BRD4: variants seen among roughly 807,000 people sequenced by gnomAD.
The protein encoded by BRD4 is bromodomain containing 4.
A neutral mutation model predicts 142.1 loss-of-function variants in BRD4; 16 were observed. The ratio of observed to expected loss-of-function variants is 0.11; its 90% CI spans 0.08 to 0.17. The LOEUF is 0.17. Ranked by LOEUF, BRD4 falls within the 10% of genes least tolerant of loss-of-function variation. BRD4 has a pLI of 1.00. For synonymous variants in BRD4, 833 were observed against 707.5 expected, an observed-to-expected ratio of 1.18 and a Z score of -2.82; for missense variants, 1,424 against 1,810.9, an observed-to-expected ratio of 0.79 and a Z score of 3.88.
At chr19:15,289,213 C>G (rs1378455556) in intron 1 of BRD4, among the ~76,000 whole-genome samples, 3 of 152,206 alleles carry the variant, frequency 2.0e-5, no homozygotes, top group African/African-American at 7.2e-5. Flanking sequence ...CTCCCACGAC[C>G]TTTCCAAATG....
chr19:15,320,963 G>C lies in BRD4; in HGVS notation c.-35+11327C>G, dbSNP rs374379227. Among the ~76,000 whole-genome samples the C allele has an allele frequency of 9.8e-5, 15 of 152,358 alleles. No homozygotes were observed. In the East Asian group the frequency reaches 2.3e-3, roughly 23 times the overall value. Reference sequence around the variant, plus strand: ...AGTATAGGACTCTGGGCCAGGCATAGTGGCTCACGCCTGTAATCCCAACAC... The same window carrying C: ...AGTATAGGACTCTGGGCCAGGCATACTGGCTCACGCCTGTAATCCCAACAC... On this transcript the variant is annotated intron_variant, in intron 1 of 19. Transcript: ENST00000679869.
At chr19:15,241,836 A>T in intron 14 of BRD4, among the ~76,000 whole-genome samples, 2 of 131,326 alleles carry the variant, frequency 1.5e-5, no homozygotes, top group Admixed American at 8.2e-5. Flanking sequence ...TTTTTGAGAT[A>T]GAGTCTCCAT....
intron 14 of BRD4, 108 bp from the exon 15 acceptor site, chr19:15,240,130 G>C: frequency 6.9e-7 from 1 of 1,439,070 alleles, no homozygotes; most frequent in Non-Finnish European, 9.2e-7. Context: ...TGCATGTGCC[G>C]CCCAGGCCCT....
chr19:15,317,259 C>T (rs1038277001), intron 1 of BRD4, among the ~76,000 whole-genome samples: 1 of 152,132 alleles, frequency 6.6e-6, no homozygotes, highest in African/African-American at 2.4e-5. Context: ...TTAAGGAATG[C>T]GTAGAGGCTT....
rs199833114 is a variant in BRD4 at position 15,238,967 on chromosome 19, C to T, written c.3796G>A (p.Glu1266Lys). The change falls in exon 19 of 20, where the codon GAG becomes AAG. Residue 1266 changes from glutamate (E) to lysine (K), a missense_variant. Around this residue, in one of 16 missense-constraint regions of BRD4, gnomAD observed 109 missense variants for 117.9 expected, o/e 0.92. Transcript: ENST00000679869. This position sits in a 1 kb window ranked among gnomAD's most constrained non-coding sequence, Gnocchi z 7.2. ...CGCCGGGCCTGCTCCAGCGCATCCT[C>T]GTCCTCTCGGCTCCTGGGCAGAGGG... ...RQERMRSRED[E>K]DALEQARRAH... 1.2e-5 allele frequency: 19 copies of T among 1,589,264 alleles called. No homozygotes were observed. The highest frequency in any genetic ancestry group is 1.5e-5 in the Non-Finnish European group (18 of 1,169,590).
At chr19:15,247,351 A>T (rs1027015770) in intron 11 of BRD4, 6 of 231,668 alleles carry the variant, frequency 2.6e-5, no homozygotes, top group Non-Finnish European at 5.1e-5. Context: ...TGCCAACAAG[A>T]AGTGAGTGGG....
At chr19:15,303,007 CAA>C (rs1213995194) in intron 1 of BRD4, among the ~76,000 whole-genome samples, 17 of 57,916 alleles carry the variant, frequency 2.9e-4, no homozygotes, top group African/African-American at 3.7e-4. Flanking sequence ...GACTCCGTCG[CAA>C]AAAAAAAAAA....
In BRD4 at chr19:15,257,229, C is replaced by A. The variant is rs1212337332; in HGVS notation, c.1342-56G>T. The stretch of plus-strand genomic sequence containing the variant: ...GCTGGGTACCCAGGCCGCGGCCTAG[C>A]ATCACCTGCCCTCATTGGCTGCTGG... On this transcript the variant is annotated intron_variant, in intron 7 of 19. Coordinates refer to ENST00000679869, the MANE Select transcript of BRD4 (RefSeq NM_001379291.1). The A allele has an allele frequency of 6.7e-6, 10 of 1,496,828 alleles. No homozygotes were observed. In the East Asian group the frequency reaches 2.1e-4, roughly 31 times the overall value. 92.7% of individuals were successfully genotyped at this position (1,496,828 alleles called of 1,614,324 possible).
chr19:15,282,962 T>A (rs1245378237), intron 1 of BRD4, among the ~76,000 whole-genome samples: 1 of 152,170 alleles, frequency 6.6e-6, no homozygotes, highest in Admixed American at 6.6e-5. Flanking sequence ...TAAGACTCTG[T>A]CTTTAAAAAT....
intron 1 of BRD4, among the ~76,000 whole-genome samples, chr19:15,313,528 T>C (rs1462589605): frequency 2.0e-5 from 3 of 151,452 alleles, no homozygotes; most frequent in African/African-American, 7.3e-5. Flanking sequence ...ACAAAAAAAT[T>C]TGCCGGGCGT....
intron 1 of BRD4, among the ~76,000 whole-genome samples, chr19:15,300,250 T>TAAATAAAAAC (rs1449315020): frequency 1.3e-5 from 2 of 151,726 alleles, no homozygotes; most frequent in South Asian, 2.1e-4. Context: ...ATCCGATAAA[T>TAAATAAAAAC]AAATAAAAAC....
At position 15,265,642 on chromosome 19, in the gene BRD4, C is replaced by T. The variant is rs200768878; in HGVS notation, c.561G>A (p.Gly187=). 2 of 1,614,050 alleles carry T rather than the reference C, an allele frequency of 1.2e-6. No individual in the cohort carries two copies. Among genetic ancestry groups the T allele is most frequent in the African/African-American group, 1.3e-5 (1 of 74,986 alleles). The change falls in exon 5 of 20, where the codon GGG becomes GGA. Residue 187 remains glycine, a splice_region_variant and synonymous_variant. Transcript: ENST00000679869. The stretch of plus-strand genomic sequence containing the variant: ...CCGTGGAAACGCCAGGTTTTGCTGT[C>T]CCTACAAATCATAATAAGACGGCGA... The part of the protein sequence containing the change: ...KGRGRGRKET[G]TAKPGVSTVP...
At chr19:15,249,075 G>T in intron 11 of BRD4, 1 of 754,380 alleles carries the variant, frequency 1.3e-6, no homozygotes, top group Non-Finnish European at 2.1e-6. Flanking sequence ...CGGCTGGCCA[G>T]GCAGGCAGCC....
chr19:15,265,549 C>T lies in BRD4; in HGVS notation c.654G>A (p.Val218=), dbSNP rs765222439. The change falls in exon 5 of 20, where the codon GTG becomes GTA. Residue 218 remains valine (V), a synonymous_variant. Transcript: ENST00000679869. The stretch of plus-strand genomic sequence containing the variant: ...CAGGGAAGGGGTGAGGCGTGGCCTG[C>T]ACAGGAGGAGGATTCGGCTGAGGGG... ...TQTPQPNPPP[V]QATPHPFPAV... 5 of 1,613,950 alleles carry T rather than the reference C, an allele frequency of 3.1e-6. No individual in the cohort carries two copies. Among genetic ancestry groups the T allele is most frequent in the African/African-American group, 1.3e-5 (1 of 74,944 alleles).
intron 1 of BRD4, among the ~76,000 whole-genome samples, chr19:15,292,086 G>C (rs749709232): frequency 3.9e-5 from 6 of 152,156 alleles, no homozygotes; most frequent in African/African-American, 7.2e-5. Context: ...TAGCCACTCA[G>C]CTAATCAAAG....
intron 1 of BRD4, among the ~76,000 whole-genome samples, chr19:15,290,630 G>A (rs953712072): frequency 2.0e-5 from 3 of 152,138 alleles, no homozygotes; most frequent in African/African-American, 7.2e-5. Context: ...CCAACCCCTA[G>A]AAAGATGCTC....
At chr19:15,322,867 C>CAAAAAA (rs71333367) in intron 1 of BRD4, among the ~76,000 whole-genome samples, 1 of 65,504 alleles carries the variant, frequency 1.5e-5, no homozygotes, top group African/African-American at 5.8e-5. Flanking sequence ...ACTCTGTCTC[C>CAAAAAA]AAAAAAAAAA....
At chr19:15,266,762 C>A (rs1682662379) in intron 4 of BRD4, among the ~76,000 whole-genome samples, 1 of 152,218 alleles carries the variant, frequency 6.6e-6, no homozygotes, top group Admixed American at 6.5e-5. Flanking sequence ...AACTCACACT[C>A]AGGGACCACC....
At chr19:15,312,070 C>T (rs145124092) in intron 1 of BRD4, among the ~76,000 whole-genome samples, 15 of 152,280 alleles carry the variant, frequency 9.9e-5, no homozygotes, top group African/African-American at 3.1e-4. Flanking sequence ...GAAACACATG[C>T]GTGTGCATGT....
Sources: allele counts gnomAD v4.1 joint callset (sites outside exome capture counted in the v4.1 genomes callset), GRCh38; gene constraint gnomAD v4.1.1; regional missense constraint gnomAD v4.1.1; non-coding constraint Gnocchi (gnomAD v3.1); transcripts MANE v1.5; gene names NCBI Gene and HGNC (gene_info 2026-07-23, HGNC 2026-07-21).